Variants in MPZL1 observed in about 807,000 individuals in gnomAD.
MPZL1 encodes the protein myelin protein zero like 1, also known as myelin protein zero-like protein 1.
A neutral mutation model predicts 29.3 loss-of-function variants in MPZL1; 16 were observed. That is an observed-to-expected ratio of 0.55 (90% CI 0.37 to 0.83). The LOEUF is 0.83. MPZL1 is among the 40% of genes least tolerant of loss of function. The pLI, the probability that MPZL1 is intolerant of heterozygous loss-of-function variation, is 0.00. For synonymous variants in MPZL1, 143 were observed against 132.0 expected (o/e 1.08, Z -0.57); for missense variants, 279 against 332.9 (o/e 0.84, Z 1.26).
At chr1:167,781,208 A>G (rs993613481) in intron 5 of MPZL1, among the ~76,000 whole-genome samples, 1 of 152,188 alleles carries the variant, frequency 6.6e-6, no homozygotes, top group Non-Finnish European at 1.5e-5. Flanking sequence ...GGTTTACAGA[A>G]AATCAAAAAA....
intron 5 of MPZL1, among the ~76,000 whole-genome samples, chr1:167,786,189 AC>A (rs1271238474): frequency 6.6e-6 from 1 of 152,178 alleles, no homozygotes; most frequent in African/African-American, 2.4e-5. Context: ...ATGATTATTA[AC>A]CATGTGATCT....
rs753057374 is a variant in MPZL1, at chr1:167,780,563, CT to C, written c.708+4400del. 3.2e-4 allele frequency among the ~76,000 whole-genome samples: 48 copies of C among 152,202 alleles called. 1 individual carries two copies. Among genetic ancestry groups the C allele is most frequent in the South Asian group, 1.2e-3 (6 of 4,826 alleles). On this transcript the variant is annotated intron_variant, in intron 5 of 5. Transcript: ENST00000359523. The stretch of plus-strand genomic sequence containing the variant: ...TATACACAATGGAATATTATTCTGT[CT>C]TTAAAAGGAAAGAAATTCTGACACA...
At position 167,722,150 on chromosome 1, in the gene MPZL1, C is replaced by G; in HGVS notation, c.-2C>G. On this transcript the variant is annotated 5_prime_UTR_variant, in exon 1 of 6. Coordinates refer to ENST00000359523, the MANE Select transcript of MPZL1 (RefSeq NM_003953.6). ...GGCGGCGGCGACTGCAGTGGCTGGA[C>G]GATGGCAGCGTCCGCCGGAGCCGGG... 1 of 1,235,668 alleles carries G rather than the reference C, an allele frequency of 8.1e-7. No homozygotes were observed. The highest frequency in any genetic ancestry group is 1.0e-6 in the Non-Finnish European group (1 of 988,718). 76.5% of individuals were successfully genotyped at this position (1,235,668 alleles called of 1,614,324 possible). A position where few individuals can be genotyped will look rare whatever the true frequency, so the allele number is the denominator to read the frequency against.
At chr1:167,730,555 A>G (rs1660241259) in intron 1 of MPZL1, among the ~76,000 whole-genome samples, 1 of 152,204 alleles carries the variant, frequency 6.6e-6, no homozygotes, top group African/African-American at 2.4e-5. Flanking sequence ...TTGGGATTAC[A>G]GGTATGAGCC....
intron 1 of MPZL1, among the ~76,000 whole-genome samples, chr1:167,727,711 A>G (rs1660176118): frequency 6.6e-6 from 1 of 152,148 alleles, no homozygotes; most frequent in Non-Finnish European, 1.5e-5. Context: ...CCTAGAGTCC[A>G]GACAAAAGTC....
intron 1 of MPZL1, among the ~76,000 whole-genome samples, chr1:167,752,698 A>G (rs1571149986): frequency 6.6e-6 from 1 of 152,188 alleles, no homozygotes; most frequent in East Asian, 1.9e-4. Flanking sequence ...GCAGTGATGA[A>G]TCAGTGCTGA....
chr1:167,765,880 G>T, intron 2 of MPZL1, 131 bp downstream of exon 2: 8 of 806,338 alleles, frequency 9.9e-6, no homozygotes, highest in Non-Finnish European at 1.4e-5. Flanking sequence ...AGACTTCAAG[G>T]CCCTTCTTTT....
Position 167,791,750 on chromosome 1 carries a change from T to C in MPZL1, c.*3829T>C, listed in dbSNP as rs1661719845. On this transcript the variant is annotated 3_prime_UTR_variant, in exon 6 of 6. Transcript: ENST00000359523. ...CAGTTGCAGTTTTCTCCCAGTCCCT[T>C]AGGAGCTGGTTAGAGAGTCCCTTAG... 6.6e-6 allele frequency: 1 copy of C among 152,128 alleles called. No homozygotes were observed. The highest frequency in any genetic ancestry group is 6.5e-5 in the Admixed American group (1 of 15,280). 9.4% of individuals were successfully genotyped at this position (152,128 alleles called of 1,614,324 possible). A position where few individuals can be genotyped will look rare whatever the true frequency, so the allele number is the denominator to read the frequency against.
intron 1 of MPZL1, among the ~76,000 whole-genome samples, chr1:167,725,765 G>C (rs534737319): frequency 6.6e-6 from 1 of 151,972 alleles, no homozygotes; most frequent in Non-Finnish European, 1.5e-5. Flanking sequence ...GATTACAGGC[G>C]TGAGCCACCA....
intron 3 of MPZL1, 144 bp from the exon 4 acceptor site, chr1:167,773,092 A>G (rs1661285813): frequency 3.9e-6 from 3 of 776,728 alleles, no homozygotes; most frequent in Middle Eastern, 3.9e-4. Context: ...TAGTAATAGG[A>G]TAGATAGTAG....
chr1:167,779,667 C>G (rs183075955), intron 5 of MPZL1, among the ~76,000 whole-genome samples: 1 of 151,920 alleles, frequency 6.6e-6, no homozygotes, highest in Admixed American at 6.6e-5. Context: ...AAATGTATGA[C>G]AACAGTAGTA....
chr1:167,763,252 C>T (rs372923054), intron 1 of MPZL1, among the ~76,000 whole-genome samples: 1 of 152,126 alleles, frequency 6.6e-6, no homozygotes, highest in South Asian at 2.1e-4. Flanking sequence ...CGGTGGCTCA[C>T]GCCTGTAATC....
intron 1 of MPZL1, among the ~76,000 whole-genome samples, chr1:167,738,165 C>A (rs1212807087): frequency 6.6e-6 from 1 of 152,148 alleles, no homozygotes; most frequent in Non-Finnish European, 1.5e-5. Context: ...ACCTCGTGAT[C>A]CGCCCGCCTC....
At position 167,734,030 on chromosome 1, in the gene MPZL1, A is replaced by G. The variant is rs534401043; in HGVS notation, c.91+11788A>G. Among the ~76,000 whole-genome samples, 7 of 152,190 alleles carry G rather than the reference A, an allele frequency of 4.6e-5. No individual in the cohort carries two copies. The South Asian group carries it at 1.2e-3, about 27-fold the overall frequency. ...CCAGCACTTTGGGAGGCCAAGGCGG[A>G]CGGATCATGAGGTCAGGAGATCAAG... On this transcript the variant is annotated intron_variant, in intron 1 of 5. Transcript: ENST00000359523.
At chr1:167,733,180 T>C (rs935383878) in intron 1 of MPZL1, among the ~76,000 whole-genome samples, 1 of 152,220 alleles carries the variant, frequency 6.6e-6, no homozygotes, top group Admixed American at 6.5e-5. Context: ...AGCTGATCAA[T>C]GCCATAGATC....
At chr1:167,728,496 C>T (rs1326414803) in intron 1 of MPZL1, among the ~76,000 whole-genome samples, 1 of 151,934 alleles carries the variant, frequency 6.6e-6, no homozygotes, top group African/African-American at 2.4e-5. Flanking sequence ...GCATGAGCCA[C>T]CGTGCCCAAC....
intron 5 of MPZL1, among the ~76,000 whole-genome samples, chr1:167,777,087 AG>A (rs1288360709): frequency 1.3e-5 from 2 of 152,214 alleles, no homozygotes; most frequent in East Asian, 1.9e-4. Flanking sequence ...CCACAGCATC[AG>A]GCTCATTACT....
intron 1 of MPZL1, among the ~76,000 whole-genome samples, chr1:167,742,355 T>C (rs140162433): frequency 6.6e-6 from 1 of 152,226 alleles, no homozygotes; most frequent in East Asian, 1.9e-4. Context: ...AAACCCGGCA[T>C]ATAAATATAT....
chr1:167,754,551 G>A (rs1660828341), intron 1 of MPZL1, among the ~76,000 whole-genome samples: 1 of 152,178 alleles, frequency 6.6e-6, no homozygotes, highest in African/African-American at 2.4e-5. Flanking sequence ...AAGAAGCTGA[G>A]TAGAGCACTG....
Sources: gnomAD v4.1 joint callset for allele counts (sites outside exome capture counted in the v4.1 genomes callset) on GRCh38, gnomAD v4.1.1 for gene constraint, MANE v1.5 for transcripts, NCBI Gene and HGNC (gene_info 2026-07-23, HGNC 2026-07-21) for gene names.